Variants in CD300C observed in about 807,000 individuals in gnomAD.
CD300C encodes CD300c molecule.
In CD300C, 11 loss-of-function variants were observed where a neutral mutation model predicts 18.4. The ratio of observed to expected loss-of-function variants is 0.60; its 90% confidence interval spans 0.38 to 0.99. CD300C has a LOEUF of 0.99. Among genes scored for constraint, CD300C ranks in the 50% least tolerant of loss-of-function variants. CD300C has a pLI of 0.01. For synonymous variants in CD300C, 116 were observed against 116.3 expected, an observed-to-expected ratio of 1.00 and a Z score of 0.02; for missense variants, 277 against 287.4, an observed-to-expected ratio of 0.96 and a Z score of 0.26.
chr17:74,542,592 T>G (rs1475062475), intron 3 of CD300C, among the ~76,000 whole-genome samples: 1 of 152,250 alleles, frequency 6.6e-6, no homozygotes, highest in African/African-American at 2.4e-5. Flanking sequence ...CCCTTTGCTG[T>G]ATTTGTACAT....
rs750098556 is a variant in CD300C at position 74,541,732 on chromosome 17, G to A, written c.532C>T (p.Leu178=). The A allele has an allele frequency of 3.1e-6, 5 of 1,612,764 alleles. No individual in the cohort carries two copies. Among genetic ancestry groups the A allele is most frequent in the African/African-American group, 2.7e-5 (2 of 74,872 alleles). Residue 178 remains leucine, a synonymous_variant, in exon 4 of 4, where the codon CTG becomes TTG. Transcript: ENST00000330793. ...AGCAGGAAGCGGACATTGCTGAACA[G>A]GGAGCTGTGGGGACACGGTGACAGG... is the stretch of plus-strand genomic sequence containing the variant. ...SPEPSPHPGS[L]FSNVRFLLLV...
chr17:74,537,639 A>AC (rs993257101), downstream of CD300C, among the ~76,000 whole-genome samples: 1 of 151,972 alleles, frequency 6.6e-6, no homozygotes, highest in Admixed American at 6.6e-5. Flanking sequence ...AAAAAAAAAA[A>AC]AAAGTGTTGA....
At chr17:74,535,042 A>G in the CD300C span, among the ~76,000 whole-genome samples, 1 of 152,260 alleles carries the variant, frequency 6.6e-6, no homozygotes, top group Non-Finnish European at 1.5e-5. Flanking sequence ...TTCTAGATTA[A>G]TTGATTATCT....
chr17:74,541,509 C>G lies in CD300C; in HGVS notation c.*80G>C. 2.1e-6 allele frequency: 2 copies of G among 944,220 alleles called. No individual in the cohort carries two copies. The highest frequency in any genetic ancestry group is 1.7e-5 in the Admixed American group (1 of 58,494). 58.5% of individuals were successfully genotyped at this position (944,220 alleles called of 1,614,324 possible). On this transcript the variant is annotated 3_prime_UTR_variant, in exon 4 of 4. Transcript: ENST00000330793. ...TCCAGGAGATGTGGAGAGAGCAGCC[C>G]GGGAGGGAGTGGTCAGGAGGTCATT... is the stretch of plus-strand genomic sequence containing the variant.
In CD300C at chr17:74,544,897, A is replaced by AT. The variant is rs750498762; in HGVS notation, c.111dup (p.Ser38IlefsTer9). ...TCATAGCGACACTGCACACTCAGGG[A>AT]TCCCCCCACGGGGCCCGCCACGGTC... On this transcript the variant is annotated frameshift_variant, in exon 2 of 4. Transcript: ENST00000330793. LOFTEE classifies it high-confidence loss of function. 5.0e-6 allele frequency: 8 copies of AT among 1,612,210 alleles called. No individual in the cohort carries two copies. The highest frequency in any genetic ancestry group is 5.9e-6 in the Non-Finnish European group (7 of 1,179,056).
Position 74,545,916 on chromosome 17 carries a change from G to A in CD300C, c.-134C>T, listed in dbSNP as rs1469878107. The A allele has an allele frequency of 1.3e-6, 1 of 788,546 alleles. No homozygotes were observed. Among genetic ancestry groups the A allele is most frequent in the Non-Finnish European group, 2.1e-6 (1 of 481,074 alleles). 48.8% of individuals were successfully genotyped at this position (788,546 alleles called of 1,614,324 possible). A position where few individuals can be genotyped will look rare whatever the true frequency, so the allele number is the denominator to read the frequency against. On this transcript the variant is annotated 5_prime_UTR_variant, in exon 1 of 4. Transcript: ENST00000330793. ...GCTTCCTTGTCCAGCCCTGTCTCAG[G>A]TCTGAGGCTGGAGAGGGTCAGGGTA...
At chr17:74,535,401 G>A in the CD300C span, among the ~76,000 whole-genome samples, 5 of 150,350 alleles carry the variant, frequency 3.3e-5, no homozygotes, top group African/African-American at 9.8e-5. Flanking sequence ...ACCAGAAGGC[G>A]GAGGTTGCAG....
In CD300C at chr17:74,546,013, C is replaced by T. The variant is rs1908748651; in HGVS notation, c.-231G>A. Reference sequence around the variant, plus strand: ...AGCTCTGGGATGGTGCTAGTGGCTCCTCTCAACCCTGACGTCTGGCAAAGT... The same window carrying T: ...AGCTCTGGGATGGTGCTAGTGGCTCTTCTCAACCCTGACGTCTGGCAAAGT... On this transcript the variant is annotated 5_prime_UTR_variant, in exon 1 of 4. Transcript: ENST00000330793. 3.9e-6 allele frequency: 2 copies of T among 518,226 alleles called. No homozygotes were observed. The highest frequency in any genetic ancestry group is 2.3e-5 in the South Asian group (1 of 43,330). 32.1% of individuals were successfully genotyped at this position (518,226 alleles called of 1,614,324 possible). A position where few individuals can be genotyped will look rare whatever the true frequency, so the allele number is the denominator to read the frequency against.
chr17:74,543,603 G>A (rs57195417), intron 2 of CD300C, among the ~76,000 whole-genome samples: 11,181 of 152,172 alleles, frequency 0.073, 1,298 homozygotes, highest in African/African-American at 0.25. Context: ...TCTCCCTGGC[G>A]CCCTCAGGTG....
chr17:74,537,858 G>A (rs1052000822), downstream of CD300C, among the ~76,000 whole-genome samples: 9 of 152,154 alleles, frequency 5.9e-5, no homozygotes, highest in Admixed American at 1.3e-4. Context: ...TCCAGAGGCT[G>A]AGACAGGACC....
rs767850126 is a variant in CD300C, at chr17:74,541,609, G to A, written c.655C>T (p.Pro219Ser). ...QRSSRSRQNW[P>S]KGENQ Reference sequence around the variant, plus strand: ...AGATGCTACTGGTTCTCACCCTTGGGCCAATTCTGCCTGCTTCTAGAGCTT... The same window carrying A: ...AGATGCTACTGGTTCTCACCCTTGGACCAATTCTGCCTGCTTCTAGAGCTT... Residue 219 changes from proline (P) to serine (S), a missense_variant, in exon 4 of 4, where the codon CCC (proline) becomes TCC (serine). Transcript: ENST00000330793. 4 of 1,613,480 alleles carry A rather than the reference G, an allele frequency of 2.5e-6. No homozygotes were observed. The highest frequency in any genetic ancestry group is 2.5e-6 in the Non-Finnish European group (3 of 1,179,482).
At chr17:74,540,927 C>A (rs1266407656), downstream of CD300C, among the ~76,000 whole-genome samples, 2 of 152,148 alleles carry the variant, frequency 1.3e-5, no homozygotes, top group Non-Finnish European at 2.9e-5. Context: ...CAGGATGTGT[C>A]TACCTGAAGG....
intron 1 of CD300C, among the ~76,000 whole-genome samples, chr17:74,545,453 A>G (rs905779645): frequency 6.6e-6 from 1 of 151,872 alleles, no homozygotes; most frequent in Non-Finnish European, 1.5e-5. Flanking sequence ...AAAATTTGTG[A>G]TTGGATAACT....
intron 2 of CD300C, among the ~76,000 whole-genome samples, chr17:74,543,940 G>A (rs1449176458): frequency 6.6e-6 from 1 of 152,146 alleles, no homozygotes; most frequent in Non-Finnish European, 1.5e-5. Flanking sequence ...GAATAAGGGG[G>A]ACACACAGGT....
intron 2 of CD300C, among the ~76,000 whole-genome samples, chr17:74,543,312 C>T (rs1908625786): frequency 6.6e-6 from 1 of 152,210 alleles, no homozygotes; most frequent in African/African-American, 2.4e-5. Context: ...GTTTACTCTG[C>T]GAAGGGTGAC....
At position 74,545,794 on chromosome 17, in the gene CD300C, G is replaced by T. The variant is rs779995113; in HGVS notation, c.-12C>A. ...GCCCTGGCAGTCATTCCTGTAACAC[G>T]AATGTCACCTGCCACTGTGCAAGAC... On this transcript the variant is annotated 5_prime_UTR_variant, in exon 1 of 4. Transcript: ENST00000330793. 1.2e-6 allele frequency: 2 copies of T among 1,601,592 alleles called. No individual in the cohort carries two copies. The highest frequency in any genetic ancestry group is 1.7e-6 in the Non-Finnish European group (2 of 1,174,220).
chr17:74,540,260 C>A (rs113872012), downstream of CD300C, among the ~76,000 whole-genome samples: 1 of 152,158 alleles, frequency 6.6e-6, no homozygotes, highest in Non-Finnish European at 1.5e-5. Context: ...GCTTGCTCAG[C>A]GCCTATTAGA....
Position 74,541,406 on chromosome 17 carries a change from C to T in CD300C, c.*183G>A, listed in dbSNP as rs897575437. 2.1e-5 allele frequency: 13 copies of T among 609,998 alleles called. No individual in the cohort carries two copies. Among genetic ancestry groups the T allele is most frequent in the South Asian group, 7.4e-5 (4 of 53,962 alleles). The allele number at this position is 609,998 out of a possible 1,614,324, so 37.8% of individuals were successfully genotyped here. On this transcript the variant is annotated 3_prime_UTR_variant, in exon 4 of 4. Coordinates refer to ENST00000330793, the MANE Select transcript of CD300C (RefSeq NM_006678.5). The stretch of plus-strand genomic sequence containing the variant: ...TGAGACGTGGACTCACAGCTCAGGG[C>T]GTCCATGTCCGTCAGGTTCACATGT...
At chr17:74,542,716 G>T in intron 3 of CD300C, 145 bp downstream of exon 3, 4 of 967,744 alleles carry the variant, frequency 4.1e-6, no homozygotes, top group South Asian at 3.4e-5. Flanking sequence ...CAAAAGGAGC[G>T]CCTGACACTT....
Sources: allele counts gnomAD v4.1 joint callset (sites outside exome capture counted in the v4.1 genomes callset), GRCh38; gene constraint gnomAD v4.1.1; transcripts MANE v1.5; gene names NCBI Gene and HGNC (gene_info 2026-07-23, HGNC 2026-07-21).